The following PIAS4 variants were observed in gnomAD, a reference collection of about 807,000 sequenced individuals.
PIAS4 encodes protein inhibitor of activated STAT 4.
Under a neutral mutation model 58.0 loss-of-function variants are expected in PIAS4, and 7 were observed. The observed-to-expected ratio is 0.12, with a 90% CI of 0.07 to 0.23. The LOEUF (loss-of-function observed/expected upper bound fraction) is 0.23. Ranked by LOEUF, PIAS4 falls within the 10% of genes least tolerant of loss-of-function variation. PIAS4 has a pLI of 1.00. For missense variants in PIAS4, 550 were observed against 709.5 expected (o/e 0.78, Z 2.55); for synonymous variants, 364 against 312.4 (o/e 1.17, Z -1.74).
At chr19:4,030,919 C>T (rs1334885819) in intron 7 of PIAS4, among the ~76,000 whole-genome samples, 2 of 152,074 alleles carry the variant, frequency 1.3e-5, no homozygotes, top group Non-Finnish European at 2.9e-5. Flanking sequence ...GAGTGGGAGT[C>T]AGGCAGGTGG....
intron 9 of PIAS4, among the ~76,000 whole-genome samples, chr19:4,036,792 A>ATACAGTCCACACCGTCACATATCTG (rs1385914499): frequency 1.0e-4 from 14 of 137,888 alleles, no homozygotes; most frequent in East Asian, 3.9e-4. Context: ...ACACACATCT[A>ATACAGTCCACACCGTCACATATCTG]TACAGTCCAC....
At position 4,013,460 on chromosome 19, in the gene PIAS4, A is replaced by G. The variant is rs1599215777; in HGVS notation, c.454+111A>G. On this transcript the variant is annotated intron_variant, in intron 2 of 10. Transcript: ENST00000262971. This position sits in a 1 kb window ranked among gnomAD's most constrained non-coding sequence, Gnocchi z 5.1. ...GAGTGATGTTCTCTGTGGCGCAGCC[A>G]GGGCGGGGAGCCACAGTGGCCAGGG... 2 of 990,368 alleles carry G rather than the reference A, an allele frequency of 2.0e-6. No individual in the cohort carries two copies. The highest frequency in any genetic ancestry group is 1.6e-5 in the African/African-American group (1 of 61,438). 61.3% of individuals were successfully genotyped at this position (990,368 alleles called of 1,614,324 possible).
rs556156921 is a variant in PIAS4 at position 4,023,270 on chromosome 19, C to T, written c.455-766C>T. ...GAGATGGGCGGATCACCTGAGGTCA[C>T]GAGTTCGAAACCAGCCTGGCCAACA... is the stretch of plus-strand genomic sequence containing the variant. On this transcript the variant is annotated intron_variant, in intron 2 of 10. Transcript: ENST00000262971. 1.3e-3 allele frequency among the ~76,000 whole-genome samples: 191 copies of T among 151,190 alleles called. 1 individual carries two copies. The highest frequency in any genetic ancestry group is 6.6e-4 in the Non-Finnish European group (45 of 67,850).
At chr19:4,012,308 G>A (rs1168491044) in intron 1 of PIAS4, among the ~76,000 whole-genome samples, 1 of 152,054 alleles carries the variant, frequency 6.6e-6, no homozygotes, top group Admixed American at 6.6e-5. Context: ...CCTCTGAGCC[G>A]ACAGTTCCTC....
At chr19:4,012,676 G>C (rs937662171) in intron 1 of PIAS4, among the ~76,000 whole-genome samples, 1 of 151,924 alleles carries the variant, frequency 6.6e-6, no homozygotes, top group Non-Finnish European at 1.5e-5. Flanking sequence ...TAGAAGGGGG[G>C]GCCTAGTCAG....
At chr19:4,015,796 G>A (rs923717423) in intron 2 of PIAS4, among the ~76,000 whole-genome samples, 5 of 152,296 alleles carry the variant, frequency 3.3e-5, no homozygotes, top group African/African-American at 1.2e-4. Context: ...GAGGCCCACC[G>A]CTCTGGTCTG....
chr19:4,029,122 A>G lies in PIAS4; in HGVS notation c.907+86A>G, dbSNP rs1366270841. 3.4e-5 allele frequency: 33 copies of G among 958,730 alleles called. 1 individual carries two copies. The highest frequency in any genetic ancestry group is 5.3e-5 in the Non-Finnish European group (33 of 624,842). 59.4% of individuals were successfully genotyped at this position (958,730 alleles called of 1,614,324 possible). A position where few individuals can be genotyped will look rare whatever the true frequency, so the allele number is the denominator to read the frequency against. The stretch of plus-strand genomic sequence containing the variant: ...TGCTGGGTGAAGCGGGGGGCCCTGC[A>G]CCCGGAGGAGATCGATCAGGGGCCG... On this transcript the variant is annotated intron_variant, in intron 7 of 10. Coordinates refer to ENST00000262971, the MANE Select transcript of PIAS4 (RefSeq NM_015897.4).
In PIAS4 at chr19:4,013,089, G is replaced by A; in HGVS notation, c.194G>A (p.Arg65His). 6.2e-7 allele frequency: 1 copy of A among 1,613,444 alleles called. No homozygotes were observed. Among genetic ancestry groups the A allele is most frequent in the Non-Finnish European group, 8.5e-7 (1 of 1,180,006 alleles). ...AAGATCAAGGAGCTGTACGAGACCC[G>A]CTACGCCAAGAAGAACTCGGAGCCT... ...FKKIKELYETRYAKKNSEPAP... is the reference protein window; with the variant it reads ...FKKIKELYETHYAKKNSEPAP... Residue 65 changes from arginine (R) to histidine (H), a missense_variant, in exon 2 of 11, where the codon CGC (arginine) becomes CAC (histidine). Transcript: ENST00000262971. This position sits in a 1 kb window ranked among gnomAD's most constrained non-coding sequence, Gnocchi z 5.1.
At position 4,029,634 on chromosome 19, in the gene PIAS4, T is replaced by G. The variant is rs566666470; in HGVS notation, c.907+598T>G. On this transcript the variant is annotated intron_variant, in intron 7 of 10. Coordinates refer to ENST00000262971, the MANE Select transcript of PIAS4 (RefSeq NM_015897.4). ...GAGACTGCATCGCTGCACTCCAGCCTGGGCTGCAGAGCGAGACTCCACCTC... is the reference window on the plus strand; with the variant it reads ...GAGACTGCATCGCTGCACTCCAGCCGGGGCTGCAGAGCGAGACTCCACCTC... Among the ~76,000 whole-genome samples the G allele has an allele frequency of 4.0e-5, 6 of 150,238 alleles. No homozygotes were observed. In the South Asian group the frequency reaches 1.1e-3, roughly 27 times the overall value.
rs1456691207 is a variant in PIAS4, at chr19:4,036,549, TATACAGTCCACACCGTCACACATCC to T, written c.1143-806_1143-782del. Among the ~76,000 whole-genome samples the T allele has an allele frequency of 8.5e-4, 112 of 132,540 alleles. 6 individuals are homozygous for T. Among genetic ancestry groups the T allele is most frequent in the African/African-American group, 3.3e-3 (107 of 32,384 alleles). The allele number at this position is 132,540 out of a possible 152,430, so 87.0% of individuals were successfully genotyped here. On this transcript the variant is annotated intron_variant, in intron 9 of 10. Transcript: ENST00000262971. Reference sequence around the variant, plus strand: ...TCCACACCTGTTACATGCACACATCTATACAGTCCACACCGTCACACATCCATACAGTCCACACCGTCATACACAC... The same window carrying T: ...TCCACACCTGTTACATGCACACATCTATACAGTCCACACCGTCATACACAC...
chr19:4,035,871 TCA>T (rs1367297197), intron 9 of PIAS4, among the ~76,000 whole-genome samples: 47 of 3,280 alleles, frequency 0.014, no homozygotes, highest in Middle Eastern at 0.071. Flanking sequence ...CCACACCGTC[TCA>T]CACACACACC....
chr19:4,020,151 C>T (rs1462955101), intron 2 of PIAS4, among the ~76,000 whole-genome samples: 1 of 152,180 alleles, frequency 6.6e-6, no homozygotes, highest in African/African-American at 2.4e-5. Flanking sequence ...CTCCTGACCT[C>T]ATGATCCGAC....
At chr19:4,008,019 C>T (rs1376004966) in intron 1 of PIAS4, among the ~76,000 whole-genome samples, 2 of 151,514 alleles carry the variant, frequency 1.3e-5, no homozygotes, top group Non-Finnish European at 3.0e-5. Context: ...GGTCGCTCCC[C>T]CGGCTTCAGG....
intron 2 of PIAS4, among the ~76,000 whole-genome samples, chr19:4,014,768 T>C (rs565730716): frequency 2.6e-5 from 4 of 152,282 alleles, no homozygotes; most frequent in African/African-American, 7.2e-5. Flanking sequence ...CTTCAGTCCA[T>C]TGGGTGCCAG....
rs756505500 is a variant in PIAS4, at chr19:4,037,478, G to A, written c.1247G>A (p.Ser416Asn). 1 of 1,610,958 alleles carries A rather than the reference G, an allele frequency of 6.2e-7. No homozygotes were observed. Among genetic ancestry groups the A allele is most frequent in the Admixed American group, 1.7e-5 (1 of 59,900 alleles). Residue 416 changes from serine to asparagine, a missense_variant, in exon 10 of 11, where the codon AGC (serine) becomes AAC (asparagine). Physicochemically the swap from Ser to Asn is conservative, Grantham distance 46 (BLOSUM62 1). Transcript: ENST00000262971. The surrounding 1 kb of genome is among the most constrained non-coding windows in gnomAD (Gnocchi z 5.8). ...PIRAEKERSC[S>N]PQGAILVLGP... ...CGCGCCGAAAAGGAGCGCAGCTGCA[G>A]CCCGCAGGGCGCCATCCTCGTGCTG... is the stretch of plus-strand genomic sequence containing the variant.
In PIAS4 at chr19:4,028,483, G is replaced by A. The variant is rs889712484; in HGVS notation, c.582-27G>A. 20 of 1,550,260 alleles carry A rather than the reference G, an allele frequency of 1.3e-5. No individual in the cohort carries two copies. In the East Asian group the frequency reaches 1.6e-4, roughly 12 times the overall value. ...AGTCCCTCCTGTGCGCCCCCTCCCC[G>A]CCCCATGGTCCCTGTTGTCGTTGCA... On this transcript the variant is annotated intron_variant, in intron 4 of 10. Transcript: ENST00000262971.
chr19:4,038,170 G>A lies in PIAS4; in HGVS notation c.*295G>A, dbSNP rs147112970. 4 of 368,732 alleles carry A rather than the reference G, an allele frequency of 1.1e-5. No homozygotes were observed. The highest frequency in any genetic ancestry group is 2.2e-5 in the African/African-American group (1 of 45,428). 22.8% of individuals were successfully genotyped at this position (368,732 alleles called of 1,614,324 possible). A position where few individuals can be genotyped will look rare whatever the true frequency, so the allele number is the denominator to read the frequency against. On this transcript the variant is annotated 3_prime_UTR_variant, in exon 11 of 11. Transcript: ENST00000262971. This position sits in a 1 kb window ranked among gnomAD's most constrained non-coding sequence, Gnocchi z 4.1. ...CGCCTCCCCGGCTGGAGTCCGAGCC[G>A]GGAAGGGGTAGTGGGCGGGAGGGAC...
chr19:4,017,373 T>TC (rs1216510650), intron 2 of PIAS4, among the ~76,000 whole-genome samples: 2 of 152,030 alleles, frequency 1.3e-5, no homozygotes, highest in African/African-American at 4.8e-5. Flanking sequence ...TGCCCACTGG[T>TC]CCCCCTCCCA....
intron 3 of PIAS4, among the ~76,000 whole-genome samples, chr19:4,027,561 G>GT (rs1367549262): frequency 1.4e-5 from 2 of 143,698 alleles, no homozygotes; most frequent in Non-Finnish European, 3.1e-5. Context: ...AGGTGTTACT[G>GT]GTTTTTGTTT....
Sources: allele counts gnomAD v4.1 joint callset (sites outside exome capture counted in the v4.1 genomes callset), GRCh38; gene constraint gnomAD v4.1.1; non-coding constraint Gnocchi (gnomAD v3.1); transcripts MANE v1.5; gene names NCBI Gene and HGNC (gene_info 2026-07-23, HGNC 2026-07-21).